Variants in SEC24B observed in about 807,000 individuals in gnomAD.
The protein encoded by SEC24B is protein transport protein Sec24B.
In SEC24B, 45 loss-of-function variants were observed where a neutral mutation model predicts 142.8. The ratio of observed to expected loss-of-function variants is 0.32; its 90% CI spans 0.25 to 0.40. SEC24B has a LOEUF of 0.40. SEC24B is among the 10% of genes least tolerant of loss of function. SEC24B has a pLI of 1.00. For missense variants in SEC24B, 1,409 were observed against 1,526.8 expected (o/e 0.92, Z 1.29); for synonymous variants, 574 against 568.2 (o/e 1.01, Z -0.15).
In SEC24B at chr4:109,521,121, T is replaced by C. The variant is rs375286323; in HGVS notation, c.2250T>C (p.Val750=). 3.3e-6 allele frequency: 5 copies of C among 1,503,296 alleles called. No homozygotes were observed. The highest frequency in any genetic ancestry group is 1.4e-5 in the African/African-American group (1 of 72,326). 93.1% of individuals were successfully genotyped at this position (1,503,296 alleles called of 1,614,324 possible). The change falls in exon 13 of 24, where the codon GTT becomes GTC. Residue 750 remains valine, a synonymous_variant. Transcript: ENST00000265175. ...AAATATGTGTTTTCCCTATAGATGT[T>C]TTTCTACCTACACCGGATAGTTTAC... ...QMLIVSDIDD[V]FLPTPDSLLV... is the part of the protein sequence containing the mutation.
At chr4:109,538,729 C>T in intron 23 of SEC24B, 133 bp downstream of exon 23, 1 of 583,928 alleles carries the variant, frequency 1.7e-6, no homozygotes, top group Non-Finnish European at 3.1e-6. Flanking sequence ...GATTTAAATC[C>T]CCTGTATTCC....
intron 1 of SEC24B, among the ~76,000 whole-genome samples, chr4:109,436,084 C>A (rs1728384593): frequency 6.6e-6 from 1 of 152,062 alleles, no homozygotes; most frequent in African/African-American, 2.4e-5. Context: ...AAATGTTATG[C>A]TAGGAAATTT....
intron 15 of SEC24B, 130 bp from the exon 16 acceptor site, chr4:109,525,216 A>G (rs1397824873): frequency 3.9e-6 from 3 of 768,098 alleles, no homozygotes; most frequent in Admixed American, 3.6e-5. Flanking sequence ...TCAGATTTGT[A>G]TGTTCTTATT....
chr4:109,462,807 G>A (rs901087012), intron 1 of SEC24B, 94 bp from the exon 2 acceptor site: 1 of 1,046,002 alleles, frequency 9.6e-7, no homozygotes. Flanking sequence ...TGGGATTATG[G>A]AAAAGAAAGT....
At chr4:109,459,181 A>G (rs554317465) in intron 1 of SEC24B, among the ~76,000 whole-genome samples, 19 of 152,322 alleles carry the variant, frequency 1.2e-4, no homozygotes, top group African/African-American at 4.3e-4. Flanking sequence ...ATAAATGTGG[A>G]AGAAAACTGA....
intron 1 of SEC24B, among the ~76,000 whole-genome samples, chr4:109,457,930 A>ATTTTGT (rs1436715815): frequency 6.6e-6 from 1 of 152,160 alleles, no homozygotes; most frequent in Non-Finnish European, 1.5e-5. Flanking sequence ...GGCAATAATC[A>ATTTTGT]CACTTTTCCA....
chr4:109,448,876 G>A (rs973973647), intron 1 of SEC24B, among the ~76,000 whole-genome samples: 2 of 150,392 alleles, frequency 1.3e-5, no homozygotes, highest in African/African-American at 4.9e-5. Context: ...AGGATATCAT[G>A]TTGCATTTAG....
At chr4:109,458,528 C>G (rs1284119507) in intron 1 of SEC24B, among the ~76,000 whole-genome samples, 1 of 152,006 alleles carries the variant, frequency 6.6e-6, no homozygotes. Context: ...ACAAAAATTA[C>G]CTACAGATCT....
intron 14 of SEC24B, among the ~76,000 whole-genome samples, chr4:109,522,871 A>G (rs1477066902): frequency 6.6e-6 from 1 of 152,184 alleles, no homozygotes; most frequent in Non-Finnish European, 1.5e-5. Flanking sequence ...CTTTTCAGCT[A>G]TTAAATAGTT....
rs537807888 is a variant in SEC24B at position 109,478,464 on chromosome 4, A to G, written c.1061-3213A>G. Among the ~76,000 whole-genome samples, 4 of 152,258 alleles carry G rather than the reference A, an allele frequency of 2.6e-5. No individual in the cohort carries two copies. The East Asian group carries it at 7.7e-4, about 29-fold the overall frequency. ...AGCTCACATTTATTTTGTATTTAGT[A>G]TGTGTCATGCACCATTCTAAGCATT... On this transcript the variant is annotated intron_variant, in intron 3 of 23. Coordinates refer to ENST00000265175, the MANE Select transcript of SEC24B (RefSeq NM_006323.5).
intron 11 of SEC24B, among the ~76,000 whole-genome samples, chr4:109,517,040 C>T (rs1276223155): frequency 1.3e-5 from 2 of 151,922 alleles, no homozygotes; most frequent in Admixed American, 6.6e-5. Context: ...ATTAGTACAG[C>T]CATTATAGAA....
At chr4:109,442,540 A>G (rs1729032830) in intron 1 of SEC24B, among the ~76,000 whole-genome samples, 2 of 152,160 alleles carry the variant, frequency 1.3e-5, no homozygotes, top group African/African-American at 4.8e-5. Flanking sequence ...GGATAAAGGA[A>G]CTTGTACTTT....
intron 7 of SEC24B, among the ~76,000 whole-genome samples, chr4:109,509,680 A>G (rs1171351692): frequency 1.8e-5 from 2 of 109,232 alleles, no homozygotes; most frequent in African/African-American, 1.3e-4. Flanking sequence ...CCATCTCAGA[A>G]AAAAAAAAAA....
intron 22 of SEC24B, among the ~76,000 whole-genome samples, chr4:109,537,771 A>G (rs1427769622): frequency 6.6e-6 from 1 of 152,228 alleles, no homozygotes; most frequent in Admixed American, 6.5e-5. Context: ...AAACATCTGA[A>G]AAAATTCACA....
At chr4:109,524,517 T>A (rs1182736644) in intron 14 of SEC24B, among the ~76,000 whole-genome samples, 14 of 152,196 alleles carry the variant, frequency 9.2e-5, no homozygotes, top group Non-Finnish European at 8.8e-5. Context: ...ATCTATGTAA[T>A]CTTGGTCAAG....
chr4:109,478,088 T>TC (rs1326953141), intron 3 of SEC24B, among the ~76,000 whole-genome samples: 1 of 151,962 alleles, frequency 6.6e-6, no homozygotes, highest in East Asian at 1.9e-4. Context: ...TCGAGACCAG[T>TC]CTGGCCAACA....
In SEC24B at chr4:109,538,407, G is replaced by T. The variant is rs1358641965; in HGVS notation, c.3589-86G>T. On this transcript the variant is annotated intron_variant, in intron 22 of 23. Transcript: ENST00000265175. ...TAAGAAATAGAGTGCTGGCAGTTGG[G>T]GGTGATGGTAGGAATCATGATTTTG... 9 of 821,936 alleles carry T rather than the reference G, an allele frequency of 1.1e-5. No individual in the cohort carries two copies. In the South Asian group the frequency reaches 1.4e-4, roughly 12 times the overall value. The allele number at this position is 821,936 out of a possible 1,614,324, so 50.9% of individuals were successfully genotyped here. A position where few individuals can be genotyped will look rare whatever the true frequency, so the allele number is the denominator to read the frequency against.
intron 22 of SEC24B, among the ~76,000 whole-genome samples, chr4:109,535,143 T>C (rs1725378259): frequency 6.6e-6 from 1 of 152,366 alleles, no homozygotes; most frequent in East Asian, 1.9e-4. Context: ...AACATATGTT[T>C]TCAGTTCTCT....
In SEC24B at chr4:109,433,853, T is replaced by C; in HGVS notation, c.-17T>C. 1 of 1,300,614 alleles carries C rather than the reference T, an allele frequency of 7.7e-7. No homozygotes were observed. The highest frequency in any genetic ancestry group is 2.0e-5 in the South Asian group (1 of 48,932). The allele number at this position is 1,300,614 out of a possible 1,614,324, so 80.6% of individuals were successfully genotyped here. ...CCACCTCCCTGAAGCGGAGCCGCCG[T>C]CGCCACCAGCGCCGTCATGTCGGCC... On this transcript the variant is annotated 5_prime_UTR_variant, in exon 1 of 24. Coordinates refer to ENST00000265175, the MANE Select transcript of SEC24B (RefSeq NM_006323.5).
Sources: gnomAD v4.1 joint callset for allele counts (sites outside exome capture counted in the v4.1 genomes callset) on GRCh38, gnomAD v4.1.1 for gene constraint, MANE v1.5 for transcripts, NCBI Gene and HGNC (gene_info 2026-07-23, HGNC 2026-07-21) for gene names.